TRRAP: variants seen among roughly 807,000 people sequenced by gnomAD.
TRRAP encodes transformation/transcription domain associated protein, also known as transformation/transcription domain-associated protein.
In TRRAP, 41 loss-of-function variants were observed where a neutral mutation model predicts 438.8. That is an observed-to-expected ratio of 0.09 (90% CI 0.07 to 0.12). TRRAP has a LOEUF of 0.12. Among genes scored for constraint, TRRAP ranks in the 10% least tolerant of loss-of-function variants. The pLI is 1.00. For synonymous variants in TRRAP, 1,994 were observed against 1,962.9 expected, an observed-to-expected ratio of 1.02 and a Z score of -0.42; for missense variants, 3,122 against 5,055.1, an observed-to-expected ratio of 0.62 and a Z score of 11.60.
At chr7:98,884,123 G>A (rs773257060) in intron 3 of TRRAP, among the ~76,000 whole-genome samples, 7 of 152,182 alleles carry the variant, frequency 4.6e-5, no homozygotes, top group African/African-American at 7.2e-5. Flanking sequence ...AGCTGGATGC[G>A]TGAGGTCTGG....
In TRRAP at chr7:98,903,463, A is replaced by G. The variant is rs1554407038; in HGVS notation, c.982A>G (p.Arg328Gly). The G allele has an allele frequency of 6.2e-7, 1 of 1,614,104 alleles. No homozygotes were observed. Among genetic ancestry groups the G allele is most frequent in the East Asian group, 2.2e-5 (1 of 44,890 alleles). ...TTGTCCAGCAGAGACTGCACACCTC[A>G]GAAAGGAGCTTCTGATTGCTGCCAA... ...SNCPAETAHLRKELLIAAKHI... is the reference protein window; with the variant it reads ...SNCPAETAHLGKELLIAAKHI... Residue 328 changes from arginine to glycine, a missense_variant, in exon 12 of 73, where the codon AGA (arginine) becomes GGA (glycine). Transcript: ENST00000456197.
chr7:98,893,917 T>A, intron 6 of TRRAP, 36 bp downstream of exon 6: 1 of 1,589,736 alleles, frequency 6.3e-7, no homozygotes, highest in East Asian at 2.2e-5. Flanking sequence ...ATTTATAAAG[T>A]GTGTCAACAT....
rs531805294 is a variant in TRRAP, at chr7:98,888,187, G to T, written c.151-2148G>T. Among the ~76,000 whole-genome samples, 8 of 150,198 alleles carry T rather than the reference G, an allele frequency of 5.3e-5. No individual in the cohort carries two copies. In the South Asian group the frequency reaches 1.7e-3, roughly 32 times the overall value. On this transcript the variant is annotated intron_variant, in intron 3 of 72. Transcript: ENST00000456197. ...AGAGCTTGCAGTGAGCCGAGATCAC[G>T]CCACTGCACTCCAGCCTGGGTGACA...
At chr7:98,951,961 T>C (rs1554418317) in intron 39 of TRRAP, among the ~76,000 whole-genome samples, 1 of 152,200 alleles carries the variant, frequency 6.6e-6, no homozygotes, top group East Asian at 1.9e-4. Flanking sequence ...GTGGGGATTT[T>C]GAACGTCAGG....
intron 30 of TRRAP, among the ~76,000 whole-genome samples, chr7:98,938,856 G>A (rs1297101720): frequency 6.6e-6 from 1 of 152,156 alleles, no homozygotes; most frequent in South Asian, 2.1e-4. Flanking sequence ...TCAACACCTT[G>A]TCAAATTGCT....
intron 49 of TRRAP, among the ~76,000 whole-genome samples, chr7:98,966,421 A>G (rs1252165707): frequency 6.6e-6 from 1 of 150,618 alleles, no homozygotes; most frequent in Non-Finnish European, 1.5e-5. Flanking sequence ...ATGAAGACTC[A>G]CTCCTGTCAT....
At chr7:98,921,242 TTC>T (rs879986083) in intron 20 of TRRAP, among the ~76,000 whole-genome samples, 2 of 152,334 alleles carry the variant, frequency 1.3e-5, no homozygotes, top group Admixed American at 1.3e-4. Flanking sequence ...CACAGGTACT[TTC>T]TTTATAAAGA....
chr7:98,964,854 A>T, intron 48 of TRRAP, 79 bp downstream of exon 48: 1 of 1,475,470 alleles, frequency 6.8e-7, no homozygotes, highest in Non-Finnish European at 9.0e-7. Context: ...GCTGGGGCTG[A>T]ACTCTAAAGG....
chr7:98,887,565 G>T (rs1047552876), intron 3 of TRRAP, among the ~76,000 whole-genome samples: 3 of 151,888 alleles, frequency 2.0e-5, no homozygotes, highest in Non-Finnish European at 4.4e-5. Context: ...TGGCCCAGGA[G>T]ACAGGTGCTC....
chr7:98,911,002 T>A (rs1789242280), intron 16 of TRRAP, 75 bp from the exon 17 acceptor site: 1 of 1,324,356 alleles, frequency 7.6e-7, no homozygotes, highest in South Asian at 1.5e-5. Context: ...ATGCAGCTGA[T>A]CTGGTTACAT....
At chr7:98,924,819 C>A (rs1584318231) in intron 21 of TRRAP, among the ~76,000 whole-genome samples, 2 of 150,468 alleles carry the variant, frequency 1.3e-5, no homozygotes, top group East Asian at 3.9e-4. Context: ...CTGGCTAACA[C>A]AGTGAAACCC....
chr7:98,880,262 G>GTTTTTTTTTTTT (rs201053093), intron 1 of TRRAP, among the ~76,000 whole-genome samples: 2 of 132,114 alleles, frequency 1.5e-5, no homozygotes, highest in Non-Finnish European at 1.6e-5. Flanking sequence ...TGTTGTTGTT[G>GTTTTTTTTTTTT]TTTTTTTTTT....
chr7:98,999,311 A>T (rs1793812211), intron 67 of TRRAP: 7 of 1,334,054 alleles, frequency 5.2e-6, no homozygotes, highest in Non-Finnish European at 7.6e-6. Context: ...TTATCTGCTA[A>T]GCTTGATCAA....
intron 21 of TRRAP, among the ~76,000 whole-genome samples, chr7:98,923,420 A>G (rs1789893547): frequency 6.6e-6 from 1 of 152,256 alleles, no homozygotes; most frequent in Non-Finnish European, 1.5e-5. Context: ...CACCTGGTAT[A>G]GCTCATAGCT....
intron 26 of TRRAP, among the ~76,000 whole-genome samples, chr7:98,931,869 G>A (rs1562947723): frequency 1.3e-5 from 2 of 151,950 alleles, no homozygotes; most frequent in Non-Finnish European, 2.9e-5. Flanking sequence ...TATAACTTAT[G>A]CACATATTCT....
chr7:98,920,664 A>G (rs1789742870), intron 20 of TRRAP, among the ~76,000 whole-genome samples: 2 of 152,052 alleles, frequency 1.3e-5, no homozygotes, highest in African/African-American at 4.8e-5. Context: ...TGCCTTCGTG[A>G]TCTGTGTTTT....
intron 67 of TRRAP, among the ~76,000 whole-genome samples, chr7:98,996,900 G>C (rs1447757730): frequency 1.3e-5 from 2 of 152,142 alleles, no homozygotes; most frequent in African/African-American, 2.4e-5. Flanking sequence ...TTATTTTTAA[G>C]ATTAAGTATC....
chr7:98,928,483 C>T (rs1320680428), intron 23 of TRRAP, among the ~76,000 whole-genome samples: 1 of 152,158 alleles, frequency 6.6e-6, no homozygotes, highest in Non-Finnish European at 1.5e-5. Flanking sequence ...TACAATTTAG[C>T]ACTTTGATTG....
intron 12 of TRRAP, among the ~76,000 whole-genome samples, chr7:98,905,697 T>G (rs149474068): frequency 1.3e-3 from 200 of 152,334 alleles, no homozygotes; most frequent in African/African-American, 4.2e-3. Flanking sequence ...AACCTGGGAC[T>G]CATGCCTGTG....
Sources: gnomAD v4.1 joint callset for allele counts (sites outside exome capture counted in the v4.1 genomes callset) on GRCh38, gnomAD v4.1.1 for gene constraint, MANE v1.5 for transcripts, NCBI Gene and HGNC (gene_info 2026-07-23, HGNC 2026-07-21) for gene names.